CHMP4B: variants seen among roughly 807,000 people sequenced by gnomAD.
The protein encoded by CHMP4B is SNF7 homolog associated with Alix 1.
CHMP4B carries 1 observed loss-of-function variant against 25.1 expected under a neutral mutation model. The ratio of observed to expected loss-of-function variants is 0.04; its 90% CI spans 0.01 to 0.19. The LOEUF is 0.19. Among genes scored for constraint, CHMP4B ranks in the 10% least tolerant of loss-of-function variants. CHMP4B has a pLI of 1.00. For missense variants in CHMP4B, 151 were observed against 289.7 expected, an observed-to-expected ratio of 0.52 and a Z score of 3.48; for synonymous variants, 101 against 115.6, an observed-to-expected ratio of 0.87 and a Z score of 0.81.
chr20:33,836,456 G>T (rs1305383122), intron 1 of CHMP4B, among the ~76,000 whole-genome samples: 2 of 151,840 alleles, frequency 1.3e-5, no homozygotes, highest in East Asian at 1.9e-4. Context: ...CCTCCAAGAA[G>T]AATTATGAGG....
At chr20:33,827,186 C>T (rs967308173) in intron 1 of CHMP4B, among the ~76,000 whole-genome samples, 1 of 152,204 alleles carries the variant, frequency 6.6e-6, no homozygotes, top group Non-Finnish European at 1.5e-5. Context: ...GACTTTGAGA[C>T]GCTGCACAGT....
chr20:33,811,870 T>C (rs532102880), intron 1 of CHMP4B, among the ~76,000 whole-genome samples: 14 of 152,106 alleles, frequency 9.2e-5, no homozygotes, highest in Admixed American at 3.9e-4. Flanking sequence ...TTCTGCCCTC[T>C]CCCCTCAGCC....
intron 3 of CHMP4B, 47 bp from the exon 4 acceptor site, chr20:33,852,030 G>T: frequency 1.2e-6 from 2 of 1,612,372 alleles, no homozygotes; most frequent in Non-Finnish European, 1.7e-6. Flanking sequence ...GACCGCGGGG[G>T]CTGGGATTCC....
intron 1 of CHMP4B, among the ~76,000 whole-genome samples, chr20:33,826,337 T>C (rs1402272418): frequency 6.6e-6 from 1 of 151,982 alleles, no homozygotes; most frequent in African/African-American, 2.4e-5. Flanking sequence ...GATTAGCATA[T>C]GCTGTGTTTG....
intron 2 of CHMP4B, among the ~76,000 whole-genome samples, 193 bp from the exon 3 acceptor site, chr20:33,850,759 C>T (rs1230347517): frequency 6.6e-6 from 1 of 152,190 alleles, no homozygotes; most frequent in African/African-American, 2.4e-5. Context: ...ATTCCCGTCC[C>T]CTTGAGTCTA....
intron 1 of CHMP4B, among the ~76,000 whole-genome samples, chr20:33,846,644 A>G (rs1277473902): frequency 6.6e-6 from 1 of 152,220 alleles, no homozygotes; most frequent in East Asian, 1.9e-4. Flanking sequence ...CTTAGGACGG[A>G]ATCCCAGGCC....
rs1428569866 is a variant in CHMP4B, at chr20:33,811,492, C to T, written c.24C>T (p.Phe8=). The T allele has an allele frequency of 6.3e-7, 1 of 1,584,362 alleles. No homozygotes were observed. The highest frequency in any genetic ancestry group is 1.1e-5 in the South Asian group (1 of 87,970). The change falls in exon 1 of 5, where the codon TTC becomes TTT. Residue 8 remains phenylalanine (F), a synonymous_variant. Transcript: ENST00000217402. ...CCATGTCGGTGTTCGGGAAGCTGTT[C>T]GGGGCTGGAGGGGGTAAGGCCGGCA... MSVFGKL[F]GAGGGKAGKG...
Position 33,811,413 on chromosome 20 carries a change from G to A in CHMP4B, c.-56G>A, listed in dbSNP as rs1313058235. Reference sequence around the variant, plus strand: ...GGGCGCCGGAGCCGACCCGAGCCGAGCCGAGCCGAGCCGAGCCGGAGCGGG... The same window carrying A: ...GGGCGCCGGAGCCGACCCGAGCCGAACCGAGCCGAGCCGAGCCGGAGCGGG... On this transcript the variant is annotated 5_prime_UTR_variant, in exon 1 of 5. Coordinates refer to ENST00000217402, the MANE Select transcript of CHMP4B (RefSeq NM_176812.5). The A allele has an allele frequency of 1.7e-5, 24 of 1,404,576 alleles. No homozygotes were observed. The highest frequency in any genetic ancestry group is 2.2e-5 in the Non-Finnish European group (24 of 1,077,740). The allele number at this position is 1,404,576 out of a possible 1,614,324, so 87.0% of individuals were successfully genotyped here. A position where few individuals can be genotyped will look rare whatever the true frequency, so the allele number is the denominator to read the frequency against.
intron 3 of CHMP4B, 113 bp downstream of exon 3, chr20:33,851,179 G>A (rs1979837411): frequency 1.3e-6 from 1 of 766,046 alleles, no homozygotes; most frequent in Non-Finnish European, 2.4e-6. Flanking sequence ...GACAGAGACA[G>A]GGCATGGTGT....
intron 1 of CHMP4B, among the ~76,000 whole-genome samples, chr20:33,841,548 G>A (rs1979541255): frequency 6.6e-6 from 1 of 152,176 alleles, no homozygotes; most frequent in Admixed American, 6.5e-5. Context: ...TATGCATTTG[G>A]TGCATTTTGG....
In CHMP4B at chr20:33,853,881, A is replaced by G; in HGVS notation, c.*321A>G. The G allele has an allele frequency of 2.3e-6, 1 of 439,580 alleles. No homozygotes were observed. Among genetic ancestry groups the G allele is most frequent in the Non-Finnish European group, 4.2e-6 (1 of 236,780 alleles). 27.2% of individuals were successfully genotyped at this position (439,580 alleles called of 1,614,324 possible). ...ACTCCACTGCTGAATCCTCAATGGA[A>G]AGGGTCGACTGGTTGCAGTTGAAAT... On this transcript the variant is annotated 3_prime_UTR_variant, in exon 5 of 5. Transcript: ENST00000217402.
chr20:33,833,807 C>T (rs1222036290), intron 1 of CHMP4B, among the ~76,000 whole-genome samples: 3 of 152,330 alleles, frequency 2.0e-5, no homozygotes, highest in South Asian at 2.1e-4. Flanking sequence ...TAGGCATCCA[C>T]AGTAAGTGTC....
intron 4 of CHMP4B, among the ~76,000 whole-genome samples, chr20:33,853,173 G>C (rs1979902956): frequency 6.6e-6 from 1 of 152,120 alleles, no homozygotes; most frequent in Non-Finnish European, 1.5e-5. Flanking sequence ...ATCTCTTCTG[G>C]GGTTCTTCCC....
intron 1 of CHMP4B, among the ~76,000 whole-genome samples, chr20:33,831,612 G>A (rs1251096777): frequency 6.6e-6 from 1 of 152,058 alleles, no homozygotes; most frequent in African/African-American, 2.4e-5. Flanking sequence ...GGCCTCAAGT[G>A]ATCCTCCTGC....
At chr20:33,836,629 C>T (rs1979399330) in intron 1 of CHMP4B, among the ~76,000 whole-genome samples, 1 of 151,988 alleles carries the variant, frequency 6.6e-6, no homozygotes, top group Non-Finnish European at 1.5e-5. Flanking sequence ...TGAGGAGGAC[C>T]CTCCGTGGCT....
chr20:33,838,868 G>C (rs915506009), intron 1 of CHMP4B, among the ~76,000 whole-genome samples: 1 of 152,176 alleles, frequency 6.6e-6, no homozygotes, highest in Non-Finnish European at 1.5e-5. Flanking sequence ...GCCCTTTGGG[G>C]AGCAGGAGGA....
intron 1 of CHMP4B, among the ~76,000 whole-genome samples, chr20:33,841,292 G>A (rs1299239019): frequency 2.0e-5 from 3 of 152,214 alleles, no homozygotes; most frequent in Non-Finnish European, 2.9e-5. Context: ...TAAATGGAGT[G>A]CATTAGCTCC....
intron 1 of CHMP4B, among the ~76,000 whole-genome samples, chr20:33,835,060 T>C (rs767193644): frequency 5.3e-5 from 8 of 152,174 alleles, no homozygotes; most frequent in Non-Finnish European, 1.0e-4. Flanking sequence ...CCTCCCAAAA[T>C]GCTGGGATTA....
intron 1 of CHMP4B, among the ~76,000 whole-genome samples, chr20:33,819,640 G>A (rs1231299185): frequency 6.6e-6 from 1 of 152,180 alleles, no homozygotes; most frequent in African/African-American, 2.4e-5. Flanking sequence ...TCTGGTTGTG[G>A]TTGTTTAGCT....
Sources: allele counts gnomAD v4.1 joint callset (sites outside exome capture counted in the v4.1 genomes callset), GRCh38; gene constraint gnomAD v4.1.1; transcripts MANE v1.5; gene names NCBI Gene and HGNC (gene_info 2026-07-23, HGNC 2026-07-21).